The following AFF1 variants were observed in gnomAD, a reference collection of about 807,000 sequenced individuals.
AFF1 encodes ALF transcription elongation factor 1.
Under a neutral mutation model 121.7 loss-of-function variants are expected in AFF1, and 48 were observed. The observed-to-expected ratio is 0.39, with a 90% CI of 0.31 to 0.50. The LOEUF is 0.50. Among genes scored for constraint, AFF1 ranks in the 20% least tolerant of loss-of-function variants. The pLI, the probability that AFF1 is intolerant of heterozygous loss-of-function variation, is 0.76. For synonymous variants in AFF1, 613 were observed against 563.0 expected (o/e 1.09, Z -1.26); for missense variants, 1,523 against 1,511.7 (o/e 1.01, Z -0.12).
chr4:86,950,144 C>T (rs1240951698), intron 2 of AFF1: 29 of 1,530,764 alleles, frequency 1.9e-5, no homozygotes, highest in Admixed American at 3.3e-5. Context: ...GGGCCAGCAC[C>T]GGACAAGGCA....
At chr4:87,074,151 T>A (rs1012966689) in intron 4 of AFF1, among the ~76,000 whole-genome samples, 4 of 151,984 alleles carry the variant, frequency 2.6e-5, no homozygotes, top group African/African-American at 7.3e-5. Context: ...AAAAAAAAAA[T>A]TAAATTCTTC....
At chr4:87,001,590 A>G (rs928188965) in intron 2 of AFF1, among the ~76,000 whole-genome samples, 1 of 152,150 alleles carries the variant, frequency 6.6e-6, no homozygotes, top group African/African-American at 2.4e-5. Flanking sequence ...GAAAGAGGAC[A>G]TTTGTATATT....
At chr4:87,016,168 G>T (rs1727277991) in intron 2 of AFF1, among the ~76,000 whole-genome samples, 1 of 151,080 alleles carries the variant, frequency 6.6e-6, no homozygotes. Flanking sequence ...GCGATCTTTT[G>T]GTAGCTTGGT....
In AFF1 at chr4:87,118,491, A is replaced by G. The variant is rs562978619; in HGVS notation, c.2466+3192A>G. 3.3e-5 allele frequency among the ~76,000 whole-genome samples: 5 copies of G among 152,284 alleles called. No individual in the cohort carries two copies. In the East Asian group the frequency reaches 7.7e-4, roughly 23 times the overall value. ...TTATGTTTTCTTTTAAAATTTTTTTATTTTTAGCTTAGAGACTATTCTGTT... is the reference window on the plus strand; with the variant it reads ...TTATGTTTTCTTTTAAAATTTTTTTGTTTTTAGCTTAGAGACTATTCTGTT... On this transcript the variant is annotated intron_variant, in intron 12 of 20. Transcript: ENST00000395146.
intron 2 of AFF1, among the ~76,000 whole-genome samples, chr4:87,031,544 A>G (rs561774834): frequency 3.9e-5 from 6 of 152,158 alleles, no homozygotes; most frequent in African/African-American, 1.2e-4. Context: ...GAGGAAGTCA[A>G]TGTTTACTGG....
chr4:87,049,696 C>T (rs1361841388), intron 4 of AFF1: 3 of 456,074 alleles, frequency 6.6e-6, no homozygotes, highest in Non-Finnish European at 1.3e-5. Context: ...CTGGTCTCGG[C>T]CCGAGTTCTC....
intron 12 of AFF1, among the ~76,000 whole-genome samples, chr4:87,115,825 G>C (rs879193867): frequency 2.0e-5 from 3 of 151,788 alleles, no homozygotes; most frequent in South Asian, 2.1e-4. Context: ...TGGCCAGGCT[G>C]CTCTTGAACA....
intron 2 of AFF1, among the ~76,000 whole-genome samples, chr4:86,996,037 A>C (rs1725153756): frequency 7.1e-6 from 1 of 141,760 alleles, no homozygotes; most frequent in Non-Finnish European, 1.6e-5. Flanking sequence ...TCCGCCCAGC[A>C]GCCACCCCGT....
chr4:87,022,548 A>G (rs1728022132), intron 2 of AFF1, among the ~76,000 whole-genome samples: 1 of 35,318 alleles, frequency 2.8e-5, no homozygotes, highest in Non-Finnish European at 4.5e-5. Context: ...TTACAGATAT[A>G]TATATATATA....
chr4:87,135,239 G>A (rs1485593875), intron 20 of AFF1, among the ~76,000 whole-genome samples: 2 of 152,116 alleles, frequency 1.3e-5, no homozygotes, highest in Non-Finnish European at 2.9e-5. Context: ...ACTTACTTTC[G>A]ACATAGAGCC....
intron 4 of AFF1, among the ~76,000 whole-genome samples, chr4:87,053,301 A>AC (rs1731448675): frequency 6.6e-6 from 1 of 152,118 alleles, no homozygotes; most frequent in South Asian, 2.1e-4. Context: ...AGATGCTTGC[A>AC]TTTAATTTCC....
chr4:87,027,574 C>T (rs936686750), intron 2 of AFF1, among the ~76,000 whole-genome samples: 16 of 152,166 alleles, frequency 1.1e-4, no homozygotes, highest in African/African-American at 3.4e-4. Flanking sequence ...GGGCACACAA[C>T]GATCCTACCA....
rs192230195 is a variant in AFF1, at chr4:87,112,716, A to G, written c.1534-1651A>G. ...CCCTTAAAACCTTTCCATCTACCGG[A>G]GTGTTCTCCTTATCTATAATCTAAG... On this transcript the variant is annotated intron_variant, in intron 11 of 20. Coordinates refer to ENST00000395146, the MANE Select transcript of AFF1 (RefSeq NM_001166693.3). Among the ~76,000 whole-genome samples, 452 of 152,278 alleles carry G rather than the reference A, an allele frequency of 3.0e-3. 4 individuals are homozygous for G. Among genetic ancestry groups the G allele is most frequent in the African/African-American group, 0.01 (435 of 41,556 alleles).
chr4:86,978,920 A>T (rs560104816), intron 2 of AFF1, among the ~76,000 whole-genome samples: 2 of 152,298 alleles, frequency 1.3e-5, no homozygotes, highest in East Asian at 3.9e-4. Flanking sequence ...AATAGAAAAC[A>T]GGCTTGTTCT....
chr4:87,126,879 G>A, intron 14 of AFF1, 147 bp from the exon 15 acceptor site: 1 of 662,852 alleles, frequency 1.5e-6, no homozygotes, highest in South Asian at 1.9e-5. Context: ...CTGTAGCTGA[G>A]GAAGTGTTTA....
At chr4:87,115,658 G>T (rs1042539771) in intron 12 of AFF1, among the ~76,000 whole-genome samples, 1 of 115,064 alleles carries the variant, frequency 8.7e-6, no homozygotes, top group African/African-American at 3.4e-5. Context: ...TTGCCAGGCT[G>T]GAGTGCAGTG....
In AFF1 at chr4:86,975,174, T is replaced by C. The variant is rs533742976; in HGVS notation, c.38+26603T>C. ...GCCATGTTTTCCCATTCCTCTGTGT[T>C]TCTGACCATATTGGTCCCTTCCGAC... On this transcript the variant is annotated intron_variant, in intron 2 of 20. Coordinates refer to ENST00000395146, the MANE Select transcript of AFF1 (RefSeq NM_001166693.3). Among the ~76,000 whole-genome samples, 37 of 152,334 alleles carry C rather than the reference T, an allele frequency of 2.4e-4. 1 individual carries two copies. The Middle Eastern group carries it at 0.01, about 42-fold the overall frequency.
chr4:86,937,033 TA>T (rs1343542143), intron 1 of AFF1, among the ~76,000 whole-genome samples: 1 of 152,232 alleles, frequency 6.6e-6, no homozygotes, highest in Non-Finnish European at 1.5e-5. Flanking sequence ...AAAATGAGTT[TA>T]GATATTGGAG....
In AFF1 at chr4:87,033,061, G is replaced by C. The variant is rs370663725; in HGVS notation, c.39-13105G>C. 5.0e-4 allele frequency among the ~76,000 whole-genome samples: 76 copies of C among 152,220 alleles called. No individual in the cohort carries two copies. The Middle Eastern group carries it at 0.017, about 34-fold the overall frequency. Reference sequence around the variant, plus strand: ...GCTACTCAGGAGGCTGAGGTGGGAGGATCCCTTGAGCCCAGAAGTTGGAGG... The same window carrying C: ...GCTACTCAGGAGGCTGAGGTGGGAGCATCCCTTGAGCCCAGAAGTTGGAGG... On this transcript the variant is annotated intron_variant, in intron 2 of 20. Transcript: ENST00000395146.
Sources: allele counts gnomAD v4.1 joint callset (sites outside exome capture counted in the v4.1 genomes callset), GRCh38; gene constraint gnomAD v4.1.1; transcripts MANE v1.5; gene names NCBI Gene and HGNC (gene_info 2026-07-23, HGNC 2026-07-21).